The following KCNH1 variants were observed in gnomAD, a reference collection of about 807,000 sequenced individuals.
KCNH1 encodes potassium voltage-gated channel subfamily H member 1, also known as voltage-gated delayed rectifier potassium channel KCNH1.
Under a neutral mutation model 69.2 loss-of-function variants are expected in KCNH1, and 27 were observed. The observed-to-expected ratio is 0.39, with a 90% confidence interval of 0.29 to 0.54. The LOEUF (loss-of-function observed/expected upper bound fraction) is 0.54, where lower values mean the gene tolerates loss of function less well. KCNH1 is among the 20% of genes least tolerant of loss of function. The pLI is 0.68. For synonymous variants in KCNH1, 456 were observed against 487.7 expected (o/e 0.93, Z 0.86); for missense variants, 798 against 1,261.6 (o/e 0.63, Z 5.57).
intron 6 of KCNH1, among the ~76,000 whole-genome samples, chr1:211,001,267 G>A (rs374636851): frequency 3.5e-4 from 53 of 152,236 alleles, no homozygotes; most frequent in Non-Finnish European, 6.9e-4. Flanking sequence ...CTACTCATCT[G>A]ACAAAGGGCT....
intron 7 of KCNH1, among the ~76,000 whole-genome samples, chr1:210,823,937 C>T (rs565836968): frequency 2.0e-5 from 3 of 148,840 alleles, no homozygotes; most frequent in Non-Finnish European, 3.0e-5. Flanking sequence ...TCCAAATGTG[C>T]CCATTTTTCT....
At chr1:211,036,440 T>G (rs1689900694) in intron 5 of KCNH1, among the ~76,000 whole-genome samples, 1 of 152,196 alleles carries the variant, frequency 6.6e-6, no homozygotes, top group Non-Finnish European at 1.5e-5. Flanking sequence ...AAACATAAGT[T>G]CTACAGGACA....
intron 9 of KCNH1, among the ~76,000 whole-genome samples, chr1:210,792,002 A>C (rs1278253158): frequency 6.6e-6 from 1 of 152,162 alleles, no homozygotes; most frequent in Non-Finnish European, 1.5e-5. Context: ...TAGTGACAGG[A>C]CTGCAAGTAA....
intron 6 of KCNH1, among the ~76,000 whole-genome samples, chr1:210,962,666 C>T (rs1317031491): frequency 6.6e-6 from 1 of 151,794 alleles, no homozygotes; most frequent in Non-Finnish European, 1.5e-5. Context: ...TGATGGAGAT[C>T]TGGGTTGTTT....
chr1:210,947,467 CG>C (rs1169769255), intron 6 of KCNH1, among the ~76,000 whole-genome samples: 2 of 151,112 alleles, frequency 1.3e-5, no homozygotes, highest in Admixed American at 6.6e-5. Context: ...CCCAGCTACT[CG>C]GGAGGCTGAG....
intron 9 of KCNH1, among the ~76,000 whole-genome samples, chr1:210,781,826 A>G (rs1362857382): frequency 6.6e-6 from 1 of 152,198 alleles, no homozygotes; most frequent in Non-Finnish European, 1.5e-5. Context: ...TTTCAGTATG[A>G]GTTTCGGGGC....
At chr1:210,913,504 T>C (rs953146234) in intron 7 of KCNH1, among the ~76,000 whole-genome samples, 4 of 152,180 alleles carry the variant, frequency 2.6e-5, no homozygotes, top group African/African-American at 7.2e-5. Flanking sequence ...CATTATCTCA[T>C]TTAGTTTTCA....
chr1:210,926,024 C>T (rs956434630), intron 6 of KCNH1, among the ~76,000 whole-genome samples: 3 of 152,138 alleles, frequency 2.0e-5, no homozygotes, highest in African/African-American at 7.2e-5. Context: ...TTTGGGAGGC[C>T]GAGGTGGGCG....
At chr1:211,026,205 C>T (rs1571588226) in intron 5 of KCNH1, among the ~76,000 whole-genome samples, 1 of 151,994 alleles carries the variant, frequency 6.6e-6, no homozygotes, top group South Asian at 2.1e-4. Flanking sequence ...AACTAAAAGC[C>T]TTGGTCATTA....
chr1:210,788,402 TAAC>T (rs1403228058), intron 9 of KCNH1, among the ~76,000 whole-genome samples: 1 of 152,224 alleles, frequency 6.6e-6, no homozygotes, highest in Non-Finnish European at 1.5e-5. Context: ...ATCATTATCA[TAAC>T]AACTGCCTTA....
At chr1:210,875,088 A>G (rs1039611465) in intron 7 of KCNH1, among the ~76,000 whole-genome samples, 1 of 152,236 alleles carries the variant, frequency 6.6e-6, no homozygotes, top group African/African-American at 2.4e-5. Context: ...AATTCACCAC[A>G]TTAAGAATTG....
intron 6 of KCNH1, among the ~76,000 whole-genome samples, chr1:211,003,737 A>G (rs138324507): frequency 6.6e-6 from 1 of 152,366 alleles, no homozygotes; most frequent in East Asian, 1.9e-4. Context: ...AATTAAACTA[A>G]GAGCTAAATT....
chr1:210,873,436 C>T (rs1276429681), intron 7 of KCNH1, among the ~76,000 whole-genome samples: 1 of 152,218 alleles, frequency 6.6e-6, no homozygotes, highest in Non-Finnish European at 1.5e-5. Flanking sequence ...CAGCATTCAA[C>T]TCCTGGGCTC....
chr1:210,834,866 C>T (rs1050935997), intron 7 of KCNH1, among the ~76,000 whole-genome samples: 3 of 152,006 alleles, frequency 2.0e-5, no homozygotes, highest in African/African-American at 7.2e-5. Flanking sequence ...AATGCAGATT[C>T]TGATGGTGCC....
intron 7 of KCNH1, chr1:210,862,051 G>C (rs1685990932): frequency 1.3e-6 from 1 of 789,566 alleles, no homozygotes. Context: ...AGTATAAGGG[G>C]ATATATACTT....
At position 211,030,354 on chromosome 1, in the gene KCNH1, A is replaced by G. The variant is rs532092885; in HGVS notation, c.559-11098T>C. 3.3e-5 allele frequency among the ~76,000 whole-genome samples: 5 copies of G among 152,330 alleles called. No individual in the cohort carries two copies. The East Asian group carries it at 9.6e-4, about 29-fold the overall frequency. ...AAAGTAGGAGGAATCAGTCTAACCA[A>G]TCACAAGACTTGATATATAGCACAG... On this transcript the variant is annotated intron_variant, in intron 5 of 10. Coordinates refer to ENST00000271751, the MANE Select transcript of KCNH1 (RefSeq NM_172362.3).
At chr1:210,887,470 G>C (rs1041824191) in intron 7 of KCNH1, among the ~76,000 whole-genome samples, 1 of 152,034 alleles carries the variant, frequency 6.6e-6, no homozygotes, top group African/African-American at 2.4e-5. Flanking sequence ...TAGATACTAT[G>C]AAAAAACTGC....
intron 9 of KCNH1, among the ~76,000 whole-genome samples, chr1:210,786,021 G>A (rs533401603): frequency 5.9e-5 from 9 of 152,186 alleles, no homozygotes; most frequent in South Asian, 2.1e-4. Flanking sequence ...ACCTGTACCC[G>A]TCATACTTAT....
chr1:210,987,594 A>T (rs1410919119), intron 6 of KCNH1, among the ~76,000 whole-genome samples: 1 of 152,222 alleles, frequency 6.6e-6, no homozygotes, highest in Non-Finnish European at 1.5e-5. Flanking sequence ...GCTTCAGAAC[A>T]GCGGATATTG....
Sources: gnomAD v4.1 joint callset for allele counts (sites outside exome capture counted in the v4.1 genomes callset) on GRCh38, gnomAD v4.1.1 for gene constraint, MANE v1.5 for transcripts, NCBI Gene and HGNC (gene_info 2026-07-23, HGNC 2026-07-21) for gene names.